The following AKAP13 variants were observed in gnomAD, a reference collection of about 807,000 sequenced individuals.
The protein encoded by AKAP13 is A-kinase anchor protein 13.
In AKAP13, 80 loss-of-function variants were observed where a neutral mutation model predicts 264.5. That is an observed-to-expected ratio of 0.30 (90% CI 0.25 to 0.36). AKAP13 has a LOEUF of 0.36. Ranked by LOEUF, AKAP13 falls within the 10% of genes least tolerant of loss-of-function variation. The pLI is 1.00. For synonymous variants in AKAP13, 1,380 were observed against 1,250.2 expected (o/e 1.10, Z -2.19); for missense variants, 3,712 against 3,435.2 (o/e 1.08, Z -2.01).
Position 85,533,675 on chromosome 15 carries a change from C to T in AKAP13, c.273C>T (p.Phe91=), listed in dbSNP as rs780894405. ...VFVVAEEDFH[F]VQDEAYDAAQ... ...TGGTGGCTGAAGAAGACTTTCATTTCGTCCAGGATGAAGCGTATGATGCAG... is the reference window on the plus strand; with the variant it reads ...TGGTGGCTGAAGAAGACTTTCATTTTGTCCAGGATGAAGCGTATGATGCAG... Residue 91 remains phenylalanine (F), a synonymous_variant, in exon 4 of 37, where the codon TTC becomes TTT. Transcript: ENST00000394518. The T allele has an allele frequency of 1.2e-5, 20 of 1,614,056 alleles. No homozygotes were observed. The South Asian group carries it at 1.3e-4, about 11-fold the overall frequency.
At chr15:85,732,047 C>T (rs2151754641) in intron 30 of AKAP13, among the ~76,000 whole-genome samples, 1 of 150,504 alleles carries the variant, frequency 6.6e-6, no homozygotes, top group African/African-American at 2.5e-5. Flanking sequence ...CGTATCACTG[C>T]CCTCCAGATT....
intron 2 of AKAP13, among the ~76,000 whole-genome samples, chr15:85,513,878 G>T (rs1246782013): frequency 1.0e-5 from 1 of 99,224 alleles, no homozygotes; most frequent in Non-Finnish European, 2.1e-5. Flanking sequence ...TTGCATGCTT[G>T]GTCAGAGCAC....
rs776304464 is a variant in AKAP13, at chr15:85,579,917, C to A, written c.1849C>A (p.Pro617Thr). The change falls in exon 7 of 37, where the codon CCC becomes ACC. Residue 617 changes from proline to threonine, a missense_variant. By Grantham distance (38) the Pro-to-Thr change is conservative. Around this residue, in one of 3 missense-constraint regions of AKAP13, gnomAD observed 2,759 missense variants for 2,411.7 expected, o/e 1.14. Transcript: ENST00000394518. The stretch of plus-strand genomic sequence containing the variant: ...AGCAGGCATAGGTGAGGCAATGTCA[C>A]CCTCAGATTTAGCCCTTCTTGGGCT... ...LAAGIGEAMS[P>T]SDLALLGLEE... 1.7e-5 allele frequency: 27 copies of A among 1,614,194 alleles called. No homozygotes were observed. In the South Asian group the frequency reaches 2.5e-4, roughly 15 times the overall value.
chr15:85,639,183 C>G (rs1226035293), intron 8 of AKAP13, among the ~76,000 whole-genome samples, 191 bp from the exon 9 acceptor site: 1 of 152,030 alleles, frequency 6.6e-6, no homozygotes, highest in Non-Finnish European at 1.5e-5. Flanking sequence ...TTGACAACCT[C>G]TAAAGATCCT....
chr15:85,722,132 A>T lies in AKAP13; in HGVS notation c.6378+16A>T. The T allele has an allele frequency of 6.2e-7, 1 of 1,613,252 alleles. No individual in the cohort carries two copies. Among genetic ancestry groups the T allele is most frequent in the Non-Finnish European group, 8.5e-7 (1 of 1,179,620 alleles). ...CTTTGTAAAGGTATTGATAAGAAAC[A>T]TGAAAATCCCCGTTATTGTTGAGAG... is the stretch of plus-strand genomic sequence containing the variant. On this transcript the variant is annotated intron_variant, in intron 24 of 36. Coordinates refer to ENST00000394518, the MANE Select transcript of AKAP13 (RefSeq NM_007200.5).
chr15:85,561,409 A>G (rs1481459005), intron 5 of AKAP13, among the ~76,000 whole-genome samples: 2 of 152,234 alleles, frequency 1.3e-5, no homozygotes, highest in African/African-American at 2.4e-5. Flanking sequence ...AAGTGCAGCT[A>G]AGGTTAAAAG....
chr15:85,504,529 A>AAAAAAAAAAAAAAAG (rs2076142378), intron 2 of AKAP13, among the ~76,000 whole-genome samples: 1 of 136,788 alleles, frequency 7.3e-6, no homozygotes, highest in Non-Finnish European at 1.6e-5. Flanking sequence ...AAAAAAAAAA[A>AAAAAAAAAAAAAAAG]AAAAAAGAAA....
chr15:85,562,358 A>G lies in AKAP13; in HGVS notation c.663-12773A>G, dbSNP rs1320252846. Among the ~76,000 whole-genome samples the G allele has an allele frequency of 2.6e-5, 4 of 151,830 alleles. No individual in the cohort carries two copies. In the East Asian group the frequency reaches 7.8e-4, roughly 30 times the overall value. ...GGCGTGCGGATCACCTGAGGTCAGG[A>G]GTTTGAGACCAGTCTGGCCAACATG... On this transcript the variant is annotated intron_variant, in intron 5 of 36. Transcript: ENST00000394518.
intron 8 of AKAP13, among the ~76,000 whole-genome samples, chr15:85,605,046 T>A (rs1354846301): frequency 2.0e-5 from 3 of 152,166 alleles, no homozygotes; most frequent in Admixed American, 6.5e-5. Context: ...TGGGTGCCCC[T>A]GGTAATAATT....
intron 17 of AKAP13, among the ~76,000 whole-genome samples, chr15:85,699,768 A>G (rs546612981): frequency 1.3e-5 from 2 of 152,240 alleles, no homozygotes; most frequent in Non-Finnish European, 2.9e-5. Flanking sequence ...GAGTAAGCTT[A>G]TAAGCCTTGA....
intron 1 of AKAP13, among the ~76,000 whole-genome samples, chr15:85,420,464 G>A (rs538631874): frequency 1.3e-5 from 2 of 152,186 alleles, no homozygotes; most frequent in Non-Finnish European, 2.9e-5. Context: ...TGGATGCAGG[G>A]TATGGTATGA....
At chr15:85,575,088 G>A in intron 5 of AKAP13, 43 bp from the exon 6 acceptor site, 1 of 1,580,872 alleles carries the variant, frequency 6.3e-7, no homozygotes, top group Non-Finnish European at 8.7e-7. Flanking sequence ...CTATGCCTGG[G>A]AGGCAGAATG....
rs1416172280 is a variant in AKAP13, at chr15:85,747,075, C to T, written c.*2398C>T. On this transcript the variant is annotated 3_prime_UTR_variant, in exon 37 of 37. Coordinates refer to ENST00000394518, the MANE Select transcript of AKAP13 (RefSeq NM_007200.5). The stretch of plus-strand genomic sequence containing the variant: ...TAGAGATTTCACATCTGCCCAGACC[C>T]CACTCAAAACGATTTGGTCAGGTTC... 2.0e-5 allele frequency: 3 copies of T among 152,158 alleles called. No homozygotes were observed. The highest frequency in any genetic ancestry group is 4.4e-5 in the Non-Finnish European group (3 of 68,042). 9.4% of individuals were successfully genotyped at this position (152,158 alleles called of 1,614,324 possible). A position where few individuals can be genotyped will look rare whatever the true frequency, so the allele number is the denominator to read the frequency against.
At chr15:85,669,654 G>A in intron 13 of AKAP13, 68 bp from the exon 14 acceptor site, 1 of 1,228,208 alleles carries the variant, frequency 8.1e-7, no homozygotes, top group Non-Finnish European at 1.2e-6. Context: ...TAATTATAAG[G>A]TTTTATGCTT....
At chr15:85,397,006 T>TGTTCCCCCCATTGAATTTGGTG (rs2071150190) in intron 1 of AKAP13, among the ~76,000 whole-genome samples, 4 of 151,456 alleles carry the variant, frequency 2.6e-5, no homozygotes, top group African/African-American at 9.7e-5. Flanking sequence ...AGTAGTCTTT[T>TGTTCCCCCCATTGAATTTGGTG]GTTCCCCCCA....
chr15:85,591,741 T>A (rs2079588402), intron 8 of AKAP13, among the ~76,000 whole-genome samples: 1 of 152,192 alleles, frequency 6.6e-6, no homozygotes, highest in Non-Finnish European at 1.5e-5. Context: ...CTCTTCAAGA[T>A]ATGGCCAAGT....
intron 8 of AKAP13, among the ~76,000 whole-genome samples, chr15:85,635,555 G>C (rs2082034614): frequency 6.6e-6 from 1 of 152,026 alleles, no homozygotes; most frequent in Non-Finnish European, 1.5e-5. Flanking sequence ...AGGAGTAAAA[G>C]TTTTTAAGGT....
rs2089341005 is a variant in AKAP13, at chr15:85,745,423, C to A, written c.*746C>A. On this transcript the variant is annotated 3_prime_UTR_variant, in exon 37 of 37. Coordinates refer to ENST00000394518, the MANE Select transcript of AKAP13 (RefSeq NM_007200.5). ...TGTTTCAGGCACTAAAGCAACAAAA[C>A]AACCCATAGTATCTCATTCTGTCAT... 6.6e-6 allele frequency: 1 copy of A among 152,214 alleles called. No individual in the cohort carries two copies. The highest frequency in any genetic ancestry group is 1.5e-5 in the Non-Finnish European group (1 of 68,052). The allele number at this position is 152,214 out of a possible 1,614,324, so 9.4% of individuals were successfully genotyped here.
chr15:85,431,034 GATA>G (rs2073004059), intron 1 of AKAP13, among the ~76,000 whole-genome samples: 1 of 152,144 alleles, frequency 6.6e-6, no homozygotes, highest in Non-Finnish European at 1.5e-5. Flanking sequence ...TTGTTCTGGT[GATA>G]ATGAGAGATA....
Sources: allele counts gnomAD v4.1 joint callset (sites outside exome capture counted in the v4.1 genomes callset), GRCh38; gene constraint gnomAD v4.1.1; regional missense constraint gnomAD v4.1.1; transcripts MANE v1.5; gene names NCBI Gene and HGNC (gene_info 2026-07-23, HGNC 2026-07-21).